Variants in IMMP1L observed in about 807,000 individuals in gnomAD.
IMMP1L encodes inner mitochondrial membrane peptidase subunit 1.
IMMP1L carries 24 observed loss-of-function variants against 21.8 expected under a neutral mutation model. The observed-to-expected ratio is 1.10, with a 90% CI of 0.80 to 1.55. The LOEUF (loss-of-function observed/expected upper bound fraction) is 1.55, where lower values mean the gene tolerates loss of function less well. Among genes scored for constraint, IMMP1L ranks in the 40% most tolerant of loss-of-function variants. The pLI, the probability that IMMP1L is intolerant of heterozygous loss-of-function variation, is 0.00. For synonymous variants in IMMP1L, 46 were observed against 62.8 expected (o/e 0.73, Z 1.26); for missense variants, 195 against 200.7 (o/e 0.97, Z 0.17).
intron 4 of IMMP1L, among the ~76,000 whole-genome samples, chr11:31,450,204 C>G (rs1027365282): frequency 2.6e-5 from 4 of 152,048 alleles, no homozygotes; most frequent in Non-Finnish European, 5.9e-5. Context: ...TCAATATGTC[C>G]AAAAGGCACA....
intron 1 of IMMP1L, chr11:31,473,749 C>A: frequency 1.0e-6 from 1 of 985,252 alleles, no homozygotes; most frequent in Non-Finnish European, 1.2e-6. Context: ...CCCAAAGTCA[C>A]AAGAAGTTGT....
chr11:31,485,626 T>C (rs1353694049), intron 1 of IMMP1L, among the ~76,000 whole-genome samples: 1 of 151,878 alleles, frequency 6.6e-6, no homozygotes, highest in Non-Finnish European at 1.5e-5. Flanking sequence ...AAGTAATACA[T>C]AATGTTAGGC....
intron 1 of IMMP1L, among the ~76,000 whole-genome samples, chr11:31,493,961 C>G (rs1042397456): frequency 1.3e-5 from 2 of 152,230 alleles, no homozygotes; most frequent in African/African-American, 4.8e-5. Context: ...TACAGCTCCC[C>G]TCCTGGCTGC....
intron 4 of IMMP1L, among the ~76,000 whole-genome samples, chr11:31,446,314 C>G (rs1368469699): frequency 6.6e-6 from 1 of 152,166 alleles, no homozygotes; most frequent in African/African-American, 2.4e-5. Flanking sequence ...TAACTGGTCT[C>G]TCTGCCTCCA....
At position 31,461,709 on chromosome 11, in the gene IMMP1L, G is replaced by T. The variant is rs567720505; in HGVS notation, c.106-995C>A. Among the ~76,000 whole-genome samples the T allele has an allele frequency of 5.3e-5, 8 of 151,974 alleles. No homozygotes were observed. In the East Asian group the frequency reaches 1.5e-3, roughly 29 times the overall value. On this transcript the variant is annotated intron_variant, in intron 2 of 5. Coordinates refer to ENST00000532287, the MANE Select transcript of IMMP1L (RefSeq NM_001304274.2). ...CATATGAAATATAAATGAATTTTGC[G>T]TTCAGACTTGGGTCCCATCCCCAAA...
intron 1 of IMMP1L, among the ~76,000 whole-genome samples, chr11:31,490,599 C>T (rs1263264073): frequency 6.6e-6 from 1 of 151,908 alleles, no homozygotes; most frequent in African/African-American, 2.4e-5. Flanking sequence ...TACGTTGTAA[C>T]ATAATGTCAT....
At chr11:31,503,961 A>G (rs1338784525) in intron 1 of IMMP1L, among the ~76,000 whole-genome samples, 1 of 152,240 alleles carries the variant, frequency 6.6e-6, no homozygotes, top group African/African-American at 2.4e-5. Context: ...AAAAGTGATG[A>G]TGCGATATAG....
chr11:31,486,765 C>A (rs1413685536), intron 1 of IMMP1L, among the ~76,000 whole-genome samples: 1 of 151,790 alleles, frequency 6.6e-6, no homozygotes, highest in Non-Finnish European at 1.5e-5. Context: ...TAAAACTACA[C>A]ATAACTACAT....
In IMMP1L at chr11:31,433,451, A is replaced by C; in HGVS notation, c.432+9T>G. On this transcript the variant is annotated intron_variant, in intron 5 of 5. Coordinates refer to ENST00000532287, the MANE Select transcript of IMMP1L (RefSeq NM_001304274.2). The stretch of plus-strand genomic sequence containing the variant: ...AAATAAACCTTACATTTTAAGCAGA[A>C]AATGGTACCTTAAAGAAGATTCGTC... 6.8e-7 allele frequency: 1 copy of C among 1,473,850 alleles called. No individual in the cohort carries two copies. Among genetic ancestry groups the C allele is most frequent in the Non-Finnish European group, 9.3e-7 (1 of 1,073,700 alleles). 91.3% of individuals were successfully genotyped at this position (1,473,850 alleles called of 1,614,324 possible). A position where few individuals can be genotyped will look rare whatever the true frequency, so the allele number is the denominator to read the frequency against.
At chr11:31,433,678 T>C (rs1953003072) in intron 4 of IMMP1L, 108 bp from the exon 5 acceptor site, 2 of 545,854 alleles carry the variant, frequency 3.7e-6, no homozygotes, top group South Asian at 3.5e-5. Flanking sequence ...AAGGCTCTCT[T>C]TTATAGAATA....
chr11:31,502,744 T>C (rs993809033), intron 1 of IMMP1L, among the ~76,000 whole-genome samples: 2 of 152,236 alleles, frequency 1.3e-5, no homozygotes, highest in African/African-American at 4.8e-5. Flanking sequence ...CAGCCGTTAT[T>C]TAATTCCTCA....
chr11:31,463,320 CAA>C lies in IMMP1L; in HGVS notation c.-29-17_-29-16del. On this transcript the variant is annotated splice_polypyrimidine_tract_variant and intron_variant, in intron 1 of 5. Transcript: ENST00000532287. ...CCACCATTGGCCTGATGGTAAATTT[CAA>C]AAAGTTTCATGATCAATACTATTTA... The C allele has an allele frequency of 6.4e-7, 1 of 1,561,594 alleles. No individual in the cohort carries two copies. The highest frequency in any genetic ancestry group is 8.6e-7 in the Non-Finnish European group (1 of 1,162,184).
intron 4 of IMMP1L, among the ~76,000 whole-genome samples, chr11:31,455,822 G>A (rs994735912): frequency 2.0e-5 from 3 of 152,008 alleles, no homozygotes; most frequent in Non-Finnish European, 4.4e-5. Context: ...TCCTGCAAGT[G>A]CCCTTCTTGG....
chr11:31,487,914 T>A (rs919926336), intron 1 of IMMP1L, among the ~76,000 whole-genome samples: 2 of 152,188 alleles, frequency 1.3e-5, no homozygotes, highest in African/African-American at 4.8e-5. Flanking sequence ...AGCACCTTTA[T>A]AATAGTTGCT....
intron 1 of IMMP1L, among the ~76,000 whole-genome samples, chr11:31,471,861 A>G (rs1484673270): frequency 6.6e-6 from 1 of 152,230 alleles, no homozygotes; most frequent in Non-Finnish European, 1.5e-5. Flanking sequence ...TTGATAGGTC[A>G]GAAGTCTAAC....
chr11:31,445,082 C>T (rs1292405803), intron 4 of IMMP1L, among the ~76,000 whole-genome samples: 1 of 152,206 alleles, frequency 6.6e-6, no homozygotes, highest in African/African-American at 2.4e-5. Flanking sequence ...AAGACTATCT[C>T]TGCACTTTCA....
At chr11:31,451,799 G>A (rs1953767468) in intron 4 of IMMP1L, among the ~76,000 whole-genome samples, 1 of 152,126 alleles carries the variant, frequency 6.6e-6, no homozygotes, top group African/African-American at 2.4e-5. Context: ...AAGTATAAGT[G>A]TAGATAAACA....
intron 1 of IMMP1L, among the ~76,000 whole-genome samples, chr11:31,480,110 C>A (rs1018077939): frequency 2.0e-5 from 3 of 151,968 alleles, no homozygotes; most frequent in Non-Finnish European, 4.4e-5. Context: ...CTGTGTTACT[C>A]CCTCATTGAG....
chr11:31,508,693 C>T (rs1013234662), intron 1 of IMMP1L, among the ~76,000 whole-genome samples: 4 of 152,166 alleles, frequency 2.6e-5, no homozygotes, highest in African/African-American at 9.7e-5. Flanking sequence ...TCACAGATCA[C>T]TGTCAAAGTC....
Sources: allele counts gnomAD v4.1 joint callset (sites outside exome capture counted in the v4.1 genomes callset), GRCh38; gene constraint gnomAD v4.1.1; transcripts MANE v1.5; gene names NCBI Gene and HGNC (gene_info 2026-07-23, HGNC 2026-07-21).